Variants in KHDRBS2 observed in about 807,000 individuals in gnomAD.
The protein encoded by KHDRBS2 is KH RNA binding domain containing, signal transduction associated 2, also known as KH domain-containing, RNA-binding, signal transduction-associated protein 2.
In KHDRBS2, 26 loss-of-function variants were observed where a neutral mutation model predicts 44.3. That is an observed-to-expected ratio of 0.59 (90% CI 0.43 to 0.81). The LOEUF is 0.81. KHDRBS2 is among the 40% of genes least tolerant of loss of function. The pLI, the probability that KHDRBS2 is intolerant of heterozygous loss-of-function variation, is 0.00. For synonymous variants in KHDRBS2, 194 were observed against 151.1 expected (o/e 1.28, Z -2.08); for missense variants, 476 against 433.1 (o/e 1.10, Z -0.88).
chr6:61,680,672 A>G lies in KHDRBS2; in HGVS notation c.*291T>C, dbSNP rs1463873452. ...AAAAAAAGAAAAAGAAAAAAAAAAG[A>G]TTACACACAACAATGAAAAACAACC... On this transcript the variant is annotated 3_prime_UTR_variant, in exon 9 of 9. Transcript: ENST00000281156. The G allele has an allele frequency of 2.3e-5, 5 of 215,794 alleles. No individual in the cohort carries two copies. Among genetic ancestry groups the G allele is most frequent in the African/African-American group, 9.1e-5 (4 of 43,850 alleles). 13.4% of individuals were successfully genotyped at this position (215,794 alleles called of 1,614,324 possible).
At chr6:61,648,049 T>C in the KHDRBS2 span, among the ~76,000 whole-genome samples, 3 of 152,258 alleles carry the variant, frequency 2.0e-5, no homozygotes, top group East Asian at 3.9e-4. Context: ...GGGGTTCTAA[T>C]TAGGAATAGA....
At chr6:61,981,479 T>A (rs1288050636) in intron 3 of KHDRBS2, among the ~76,000 whole-genome samples, 1 of 150,722 alleles carries the variant, frequency 6.6e-6, no homozygotes, top group Admixed American at 6.6e-5. Flanking sequence ...TTTTTTTTAA[T>A]TTATTTGTTT....
chr6:61,564,441 C>T, the KHDRBS2 span, among the ~76,000 whole-genome samples: 1 of 152,110 alleles, frequency 6.6e-6, no homozygotes, highest in Non-Finnish European at 1.5e-5. Flanking sequence ...CCCACATTTA[C>T]ATAATAGCTT....
At chr6:62,125,780 C>T (rs1184244589) in intron 2 of KHDRBS2, among the ~76,000 whole-genome samples, 1 of 152,108 alleles carries the variant, frequency 6.6e-6, no homozygotes, top group African/African-American at 2.4e-5. Flanking sequence ...AGGACCCAGT[C>T]CTGGAAGAAT....
the KHDRBS2 span, among the ~76,000 whole-genome samples, chr6:61,567,658 C>A: frequency 7.3e-5 from 11 of 150,072 alleles, no homozygotes; most frequent in Non-Finnish European, 1.0e-4. Context: ...AACAAACAAA[C>A]AAAAAAAAGG....
chr6:61,921,541 G>A (rs1025048806), intron 4 of KHDRBS2, among the ~76,000 whole-genome samples: 3 of 151,988 alleles, frequency 2.0e-5, no homozygotes, highest in Admixed American at 6.6e-5. Context: ...AGTATAGGAA[G>A]TAATGTGAGT....
At chr6:62,090,810 T>C (rs944374141) in intron 2 of KHDRBS2, among the ~76,000 whole-genome samples, 1 of 152,206 alleles carries the variant, frequency 6.6e-6, no homozygotes, top group Non-Finnish European at 1.5e-5. Context: ...CTTTAAATTT[T>C]GTTTCAAAGT....
chr6:61,681,648 A>G (rs1415885626), intron 8 of KHDRBS2, among the ~76,000 whole-genome samples: 1 of 149,986 alleles, frequency 6.7e-6, no homozygotes, highest in Non-Finnish European at 1.5e-5. Flanking sequence ...AAAACAAAAC[A>G]CAAAGATATC....
chr6:61,768,430 T>A (rs1053715062), intron 6 of KHDRBS2, among the ~76,000 whole-genome samples: 1 of 152,162 alleles, frequency 6.6e-6, no homozygotes, highest in African/African-American at 2.4e-5. Context: ...TATTATCCCT[T>A]TGAATATACT....
intron 8 of KHDRBS2, among the ~76,000 whole-genome samples, chr6:61,692,284 C>T (rs1200389578): frequency 6.6e-6 from 1 of 151,662 alleles, no homozygotes; most frequent in African/African-American, 2.4e-5. Flanking sequence ...TATTCATGCT[C>T]CAAAAACAAA....
intron 3 of KHDRBS2, among the ~76,000 whole-genome samples, chr6:62,027,589 T>C (rs1056673684): frequency 7.2e-5 from 11 of 152,074 alleles, no homozygotes; most frequent in South Asian, 2.1e-4. Context: ...ATTAGAGGGT[T>C]GGCTTTTCCA....
At chr6:61,706,027 A>T (rs923272067) in intron 7 of KHDRBS2, among the ~76,000 whole-genome samples, 3 of 151,874 alleles carry the variant, frequency 2.0e-5, no homozygotes, top group Non-Finnish European at 4.4e-5. Flanking sequence ...CCTGACACAT[A>T]GTAAATGGAA....
chr6:61,906,158 T>G (rs534868444), intron 4 of KHDRBS2, among the ~76,000 whole-genome samples: 10 of 152,300 alleles, frequency 6.6e-5, no homozygotes, highest in African/African-American at 2.4e-4. Flanking sequence ...AAACATTTTT[T>G]AAAACGTCCA....
At chr6:62,167,583 A>G (rs1409228576) in intron 2 of KHDRBS2, among the ~76,000 whole-genome samples, 1 of 152,124 alleles carries the variant, frequency 6.6e-6, no homozygotes, top group Non-Finnish European at 1.5e-5. Flanking sequence ...AATCAGTGTC[A>G]TATCATTTTC....
intron 6 of KHDRBS2, among the ~76,000 whole-genome samples, chr6:61,880,786 C>T (rs1800097399): frequency 6.6e-6 from 1 of 151,832 alleles, no homozygotes; most frequent in Non-Finnish European, 1.5e-5. Flanking sequence ...TAACTTCTTA[C>T]TTTTGGGTGA....
chr6:61,933,647 A>T (rs1328060190), intron 4 of KHDRBS2, among the ~76,000 whole-genome samples: 1 of 152,164 alleles, frequency 6.6e-6, no homozygotes, highest in African/African-American at 2.4e-5. Context: ...CCTGTTCAGC[A>T]TGTCAGTGTA....
At chr6:62,099,800 C>A (rs763488657) in intron 2 of KHDRBS2, among the ~76,000 whole-genome samples, 2 of 152,182 alleles carry the variant, frequency 1.3e-5, no homozygotes, top group Non-Finnish European at 2.9e-5. Flanking sequence ...GACCACCACT[C>A]ATTGACAACA....
Position 62,285,838 on chromosome 6 carries a change from T to A in KHDRBS2, c.91+20A>T. The A allele has an allele frequency of 6.3e-7, 1 of 1,591,118 alleles. No homozygotes were observed. Among genetic ancestry groups the A allele is most frequent in the Non-Finnish European group, 8.6e-7 (1 of 1,161,806 alleles). On this transcript the variant is annotated intron_variant, in intron 1 of 8. Coordinates refer to ENST00000281156, the MANE Select transcript of KHDRBS2 (RefSeq NM_152688.4). ...ATAGGCAGCCGGCGGTTTGTGCCCA[T>A]CTGTGGGGGCAAGTCCTACCTTCTG...
chr6:61,813,885 C>A, intron 6 of KHDRBS2: 1 of 455,834 alleles, frequency 2.2e-6, no homozygotes, highest in South Asian at 1.5e-5. Flanking sequence ...ACACACTAGG[C>A]ACTTTGCCTC....
Sources: allele counts gnomAD v4.1 joint callset (sites outside exome capture counted in the v4.1 genomes callset), GRCh38; gene constraint gnomAD v4.1.1; transcripts MANE v1.5; gene names NCBI Gene and HGNC (gene_info 2026-07-23, HGNC 2026-07-21).